The following SLC38A1 variants were observed in gnomAD, a reference collection of about 807,000 sequenced individuals.
SLC38A1 encodes solute carrier family 38 member 1, also known as sodium-coupled neutral amino acid symporter 1.
A neutral mutation model predicts 60.3 loss-of-function variants in SLC38A1; 18 were observed. That is an observed-to-expected ratio of 0.30 (90% confidence interval 0.21 to 0.44). The LOEUF is 0.44. Ranked by LOEUF, SLC38A1 falls within the 20% of genes least tolerant of loss-of-function variation. The pLI is 1.00. For missense variants in SLC38A1, 448 were observed against 587.2 expected, an observed-to-expected ratio of 0.76 and a Z score of 2.45; for synonymous variants, 196 against 212.1, an observed-to-expected ratio of 0.92 and a Z score of 0.66.
chr12:46,204,052 C>T (rs1939779926), intron 11 of SLC38A1, among the ~76,000 whole-genome samples: 2 of 152,174 alleles, frequency 1.3e-5, no homozygotes, highest in African/African-American at 2.4e-5. Flanking sequence ...TAGCACTCTA[C>T]ACAGAAAAAG....
intron 16 of SLC38A1, among the ~76,000 whole-genome samples, chr12:46,196,668 C>T (rs1440554818): frequency 4.6e-5 from 7 of 152,144 alleles, no homozygotes; most frequent in Admixed American, 3.3e-4. Flanking sequence ...ACCCTCCTGC[C>T]TACACCTCTC....
chr12:46,268,857 G>A lies in SLC38A1; in HGVS notation c.-540C>T, dbSNP rs1206345960. 2.2e-6 allele frequency: 1 copy of A among 454,780 alleles called. No individual in the cohort carries two copies. The highest frequency in any genetic ancestry group is 4.4e-6 in the Non-Finnish European group (1 of 225,682). The allele number at this position is 454,780 out of a possible 1,614,324, so 28.2% of individuals were successfully genotyped here. ...CACTCACACTCTGCTCGCCGGCCTC[G>A]CACTTACATCGACATGCACCGGCGC... On this transcript the variant is annotated 5_prime_UTR_variant, in exon 1 of 17. Coordinates refer to ENST00000398637, the MANE Select transcript of SLC38A1 (RefSeq NM_030674.4). This position sits in a 1 kb window ranked among gnomAD's most constrained non-coding sequence, Gnocchi z 4.4.
At position 46,269,042 on chromosome 12, in the gene SLC38A1, G is replaced by C; in HGVS notation, c.-725C>G. The stretch of plus-strand genomic sequence containing the variant: ...GCTCTTTAACCAAAGCTGCGTGTCA[G>C]TGAGCCGTGCCGGTCACATGGTGTC... On this transcript the variant is annotated 5_prime_UTR_variant, in exon 1 of 17. Transcript: ENST00000398637. 1 of 305,644 alleles carries C rather than the reference G, an allele frequency of 3.3e-6. No homozygotes were observed. The highest frequency in any genetic ancestry group is 2.2e-5 in the African/African-American group (1 of 46,274). 18.9% of individuals were successfully genotyped at this position (305,644 alleles called of 1,614,324 possible).
intron 5 of SLC38A1, among the ~76,000 whole-genome samples, chr12:46,211,649 C>T (rs1445076105): frequency 3.9e-5 from 6 of 152,174 alleles, no homozygotes; most frequent in South Asian, 4.1e-4. Flanking sequence ...CTTTTCAAGC[C>T]GGAGAAAAGT....
At chr12:46,262,860 C>T (rs571044459) in intron 1 of SLC38A1, among the ~76,000 whole-genome samples, 1 of 152,282 alleles carries the variant, frequency 6.6e-6, no homozygotes, top group African/African-American at 2.4e-5. Flanking sequence ...AGTCTCAGAA[C>T]AATTCCTTTC....
intron 12 of SLC38A1, among the ~76,000 whole-genome samples, chr12:46,202,041 A>C (rs977803218): frequency 1.3e-5 from 2 of 151,374 alleles, no homozygotes; most frequent in Non-Finnish European, 2.9e-5. Flanking sequence ...GAAAATACAA[A>C]AGTTAGCTGG....
In SLC38A1 at chr12:46,239,689, G is replaced by T; in HGVS notation, c.112C>A (p.Gln38Lys). 1 of 1,613,538 alleles carries T rather than the reference G, an allele frequency of 6.2e-7. No individual in the cohort carries two copies. The highest frequency in any genetic ancestry group is 8.5e-7 in the Non-Finnish European group (1 of 1,179,880). ...TGGAAAAATACTCACCTATTTATCTGACCATTTTCTACTTCGGTGAAATCA... is the reference window on the plus strand; with the variant it reads ...TGGAAAAATACTCACCTATTTATCTTACCATTTTCTACTTCGGTGAAATCA... The part of the protein sequence containing the change: ...SNDFTEVENG[Q>K]INSKFISDRE... Residue 38 changes from glutamine (Q) to lysine (K), a missense_variant, in exon 3 of 17, where the codon CAG becomes AAG. Coordinates refer to ENST00000398637, the MANE Select transcript of SLC38A1 (RefSeq NM_030674.4).
At chr12:46,201,441 T>C (rs1480272568) in intron 12 of SLC38A1, among the ~76,000 whole-genome samples, 1 of 152,192 alleles carries the variant, frequency 6.6e-6, no homozygotes, top group Non-Finnish European at 1.5e-5. Context: ...TAAAAGAATA[T>C]CGAGTTCTCA....
Position 46,241,502 on chromosome 12 carries a change from G to A in SLC38A1, c.-93-1609C>T, listed in dbSNP as rs1941446960. ...ATGTTTATAACATCTCAGATTCTAG[G>A]AACCTTGTCTTGTCTTCAGGGCAAG... On this transcript the variant is annotated intron_variant, in intron 2 of 16. Transcript: ENST00000398637. 3.3e-5 allele frequency among the ~76,000 whole-genome samples: 5 copies of A among 152,112 alleles called. No homozygotes were observed. In the South Asian group the frequency reaches 1.0e-3, roughly 32 times the overall value.
Position 46,188,508 on chromosome 12 carries a change from T to C in SLC38A1, c.*462A>G, listed in dbSNP as rs186477163. Reference sequence around the variant, plus strand: ...GGCAAATTATTTACGAAACCATTTTTTTCTGTAAAGCAAAATAAATATATA... The same window carrying C: ...GGCAAATTATTTACGAAACCATTTTCTTCTGTAAAGCAAAATAAATATATA... On this transcript the variant is annotated 3_prime_UTR_variant, in exon 17 of 17. Transcript: ENST00000398637. 66 of 153,150 alleles carry C rather than the reference T, an allele frequency of 4.3e-4. No individual in the cohort carries two copies. The highest frequency in any genetic ancestry group is 9.9e-4 in the African/African-American group (41 of 41,594). The allele number at this position is 153,150 out of a possible 1,614,324, so 9.5% of individuals were successfully genotyped here. A position where few individuals can be genotyped will look rare whatever the true frequency, so the allele number is the denominator to read the frequency against.
intron 5 of SLC38A1, among the ~76,000 whole-genome samples, chr12:46,216,888 A>C (rs2137510201): frequency 6.6e-6 from 1 of 152,106 alleles, no homozygotes; most frequent in Admixed American, 6.5e-5. Flanking sequence ...GTTTAATGAG[A>C]GCTCAGATGG....
rs567153323 is a variant in SLC38A1, at chr12:46,213,284, G to A, written c.315-4157C>T. 2.0e-5 allele frequency among the ~76,000 whole-genome samples: 3 copies of A among 152,316 alleles called. No homozygotes were observed. The South Asian group carries it at 6.2e-4, about 32-fold the overall frequency. On this transcript the variant is annotated intron_variant, in intron 5 of 16. Transcript: ENST00000398637. ...TTCATTCTTTTTGAGCTTCTGGTGT[G>A]AATGCTACTAGGCTGTCTTCCTGAT...
At chr12:46,262,412 A>T (rs1278060672) in intron 1 of SLC38A1, among the ~76,000 whole-genome samples, 1 of 152,204 alleles carries the variant, frequency 6.6e-6, no homozygotes, top group Non-Finnish European at 1.5e-5. Context: ...AATCTTAATT[A>T]ATTAGAACAG....
intron 3 of SLC38A1, among the ~76,000 whole-genome samples, chr12:46,235,584 G>A (rs1941231041): frequency 6.6e-6 from 1 of 152,178 alleles, no homozygotes; most frequent in African/African-American, 2.4e-5. Context: ...GAAAGCAAGA[G>A]AAGAATTTTC....
At chr12:46,222,294 C>G (rs1940691012) in intron 5 of SLC38A1, among the ~76,000 whole-genome samples, 1 of 151,786 alleles carries the variant, frequency 6.6e-6, no homozygotes, top group Admixed American at 6.6e-5. Flanking sequence ...AGAGTCTAAA[C>G]TTTCCATCTC....
intron 2 of SLC38A1, among the ~76,000 whole-genome samples, chr12:46,241,040 G>A (rs992555991): frequency 1.3e-5 from 2 of 152,156 alleles, no homozygotes; most frequent in Non-Finnish European, 1.5e-5. Context: ...GATGGCCACA[G>A]AGGCAAATGC....
At chr12:46,222,898 C>T (rs1326618155) in intron 5 of SLC38A1, among the ~76,000 whole-genome samples, 1 of 152,104 alleles carries the variant, frequency 6.6e-6, no homozygotes, top group African/African-American at 2.4e-5. Context: ...CAGTTTGGTA[C>T]ACTTGATATT....
At chr12:46,264,187 C>T (rs1276101229) in intron 1 of SLC38A1, among the ~76,000 whole-genome samples, 1 of 152,214 alleles carries the variant, frequency 6.6e-6, no homozygotes, top group Non-Finnish European at 1.5e-5. Flanking sequence ...TGCTTAATGC[C>T]AGATGACTAT....
At chr12:46,208,075 C>T (rs1244579675) in intron 6 of SLC38A1, among the ~76,000 whole-genome samples, 1 of 152,162 alleles carries the variant, frequency 6.6e-6, no homozygotes, top group Non-Finnish European at 1.5e-5. Context: ...AATAACATCC[C>T]ATCAATGCCT....
Sources: gnomAD v4.1 joint callset for allele counts (sites outside exome capture counted in the v4.1 genomes callset) on GRCh38, gnomAD v4.1.1 for gene constraint, Gnocchi (gnomAD v3.1) non-coding constraint, MANE v1.5 for transcripts, NCBI Gene and HGNC (gene_info 2026-07-23, HGNC 2026-07-21) for gene names.